ADAM12: variants seen among roughly 807,000 people sequenced by gnomAD.
ADAM12 encodes the protein ADAM metallopeptidase domain 12, also known as disintegrin and metalloproteinase domain-containing protein 12.
Under a neutral mutation model 106.4 loss-of-function variants are expected in ADAM12, and 70 were observed. That is an observed-to-expected ratio of 0.66 (90% confidence interval 0.54 to 0.80). The LOEUF is 0.80. Ranked by LOEUF, ADAM12 falls within the 30% of genes least tolerant of loss-of-function variation. ADAM12 has a pLI of 0.00. For missense variants in ADAM12, 1,010 were observed against 1,171.9 expected (o/e 0.86, Z 2.02); for synonymous variants, 420 against 433.5 (o/e 0.97, Z 0.39).
intron 3 of ADAM12, among the ~76,000 whole-genome samples, chr10:126,241,469 A>G (rs2133653616): frequency 6.6e-6 from 1 of 152,356 alleles, no homozygotes; most frequent in South Asian, 2.1e-4. Flanking sequence ...TGTTTCCTTC[A>G]GTCTCAGAAA....
At chr10:126,097,841 A>T (rs1955584848) in intron 10 of ADAM12, among the ~76,000 whole-genome samples, 1 of 152,206 alleles carries the variant, frequency 6.6e-6, no homozygotes, top group Non-Finnish European at 1.5e-5. Context: ...CCTTTCACAA[A>T]CATATATAGC....
chr10:126,231,522 G>A (rs1958311016), intron 3 of ADAM12, among the ~76,000 whole-genome samples: 1 of 152,116 alleles, frequency 6.6e-6, no homozygotes, highest in African/African-American at 2.4e-5. Context: ...TCCCTCCCAT[G>A]AGTGGTCGTG....
intron 4 of ADAM12, among the ~76,000 whole-genome samples, chr10:126,148,137 G>GA (rs78182673): frequency 0.33 from 49,835 of 152,052 alleles, 8,484 homozygotes; most frequent in Non-Finnish European, 0.38. Flanking sequence ...ACAGTCGAGA[G>GA]AAAAGATGTG....
At position 126,330,468 on chromosome 10, in the gene ADAM12, T is replaced by G; in HGVS notation, c.130A>C (p.Ser44Arg). The change falls in exon 2 of 23, where the codon AGT becomes CGT. Residue 44 changes from serine (S) to arginine (R), a missense_variant. Ser to Arg is a moderately radical substitution (Grantham distance 110). Around this residue, in one of 3 missense-constraint regions of ADAM12, gnomAD observed 391 missense variants for 442.9 expected, o/e 0.88. Coordinates refer to ENST00000448723, the MANE Select transcript of ADAM12 (RefSeq NM_001288973.2). ...WNQGRADEVV[S>R]ASVGSGDLWI... ...AGGTCCCCACTCCCAACAGAGGCAC[T>G]GACAACTTCATCAGCTCTTCCTTGG... The G allele has an allele frequency of 6.2e-7, 1 of 1,613,946 alleles. No individual in the cohort carries two copies. Among genetic ancestry groups the G allele is most frequent in the Non-Finnish European group, 8.5e-7 (1 of 1,179,972 alleles).
At chr10:126,256,920 A>AATAATGATGATGATG (rs879871890) in intron 3 of ADAM12, among the ~76,000 whole-genome samples, 17 of 97,226 alleles carry the variant, frequency 1.7e-4, no homozygotes, top group African/African-American at 5.7e-4. Context: ...TAATAATAAT[A>AATAATGATGATGATG]ATGATGATGA....
rs747876345 is a variant in ADAM12 at position 126,071,547 on chromosome 10, G to A, written c.1253C>T (p.Ser418Phe). The change falls in exon 12 of 23, where the codon TCT (serine) becomes TTT (phenylalanine). Residue 418 changes from serine (S) to phenylalanine (F), a missense_variant. By Grantham distance (155) the Ser-to-Phe change is radical (BLOSUM62 -2). Coordinates refer to ENST00000448723, the MANE Select transcript of ADAM12 (RefSeq NM_001288973.2). ...GTTCCCACACTTCTGGCCCCCGAAAGACTCCCTGACTTCCGGCAGGTTAAA... is the reference window on the plus strand; with the variant it reads ...GTTCCCACACTTCTGGCCCCCGAAAAACTCCCTGACTTCCGGCAGGTTAAA... ...CLFNLPEVRE[S>F]FGGQKCGNRF... 1 of 1,614,146 alleles carries A rather than the reference G, an allele frequency of 6.2e-7. No homozygotes were observed. Among genetic ancestry groups the A allele is most frequent in the South Asian group, 1.1e-5 (1 of 91,058 alleles).
intron 3 of ADAM12, among the ~76,000 whole-genome samples, chr10:126,257,220 GA>G (rs1294813043): frequency 1.3e-5 from 2 of 152,166 alleles, no homozygotes; most frequent in African/African-American, 4.8e-5. Flanking sequence ...ACCCTCCAAA[GA>G]CAGTACCGGG....
chr10:126,219,343 T>G (rs1282682774), intron 3 of ADAM12, among the ~76,000 whole-genome samples: 1 of 152,196 alleles, frequency 6.6e-6, no homozygotes, highest in East Asian at 1.9e-4. Context: ...ACCATTGGTG[T>G]GACAGCCACA....
intron 1 of ADAM12, among the ~76,000 whole-genome samples, chr10:126,370,579 G>T (rs1323833530): frequency 6.6e-6 from 1 of 152,178 alleles, no homozygotes; most frequent in Non-Finnish European, 1.5e-5. Context: ...GTCCTTGCAG[G>T]TCAGAGCCCA....
chr10:126,158,607 G>C (rs542359362), intron 3 of ADAM12, among the ~76,000 whole-genome samples: 1 of 97,848 alleles, frequency 1.0e-5, no homozygotes, highest in African/African-American at 3.5e-5. Context: ...GAGCAGAGGC[G>C]GGGAGGATGC....
intron 1 of ADAM12, among the ~76,000 whole-genome samples, chr10:126,360,236 A>T (rs1855694860): frequency 6.6e-6 from 1 of 152,104 alleles, no homozygotes; most frequent in African/African-American, 2.4e-5. Flanking sequence ...CCCTGGAGAC[A>T]TTTTCCCCAT....
chr10:126,173,008 C>T (rs557377926), intron 3 of ADAM12, among the ~76,000 whole-genome samples: 10 of 152,232 alleles, frequency 6.6e-5, no homozygotes, highest in African/African-American at 2.2e-4. Flanking sequence ...AACACAAGAA[C>T]AGAAAACCCA....
intron 3 of ADAM12, among the ~76,000 whole-genome samples, chr10:126,267,498 A>G (rs1245339040): frequency 6.6e-6 from 1 of 152,226 alleles, no homozygotes; most frequent in East Asian, 1.9e-4. Flanking sequence ...AGACAGCGAC[A>G]GATCATCAGG....
chr10:126,385,039 A>G (rs1231018027), intron 1 of ADAM12, among the ~76,000 whole-genome samples: 1 of 152,250 alleles, frequency 6.6e-6, no homozygotes, highest in Non-Finnish European at 1.5e-5. Flanking sequence ...GTAAGCTCAC[A>G]GAACCACAGA....
At chr10:126,028,797 T>G in intron 21 of ADAM12, among the ~76,000 whole-genome samples, 1 of 152,042 alleles carries the variant, frequency 6.6e-6, no homozygotes, top group African/African-American at 2.4e-5. Flanking sequence ...GGGATCTAAT[T>G]AAAGAGTGTC....
At chr10:126,171,986 T>A (rs1055503716) in intron 3 of ADAM12, among the ~76,000 whole-genome samples, 16 of 152,214 alleles carry the variant, frequency 1.1e-4, no homozygotes, top group Admixed American at 2.0e-4. Flanking sequence ...GGGAAAAAAA[T>A]AGCTAATACG....
At chr10:126,247,981 T>C (rs1168838192) in intron 3 of ADAM12, among the ~76,000 whole-genome samples, 1 of 152,228 alleles carries the variant, frequency 6.6e-6, no homozygotes, top group South Asian at 2.1e-4. Context: ...ATGGTGTCTG[T>C]GGGCCGTGAA....
At chr10:126,269,833 G>A (rs575215879) in intron 3 of ADAM12, among the ~76,000 whole-genome samples, 20 of 152,282 alleles carry the variant, frequency 1.3e-4, no homozygotes, top group Admixed American at 2.6e-4. Flanking sequence ...TTCACTCAAG[G>A]ACGCCACACT....
At chr10:126,280,294 G>C (rs1345561533) in intron 2 of ADAM12, among the ~76,000 whole-genome samples, 2 of 152,108 alleles carry the variant, frequency 1.3e-5, no homozygotes, top group Admixed American at 6.5e-5. Flanking sequence ...AGTCACAAAG[G>C]CTGAAACATT....
Sources: gnomAD v4.1 joint callset for allele counts (sites outside exome capture counted in the v4.1 genomes callset) on GRCh38, gnomAD v4.1.1 for gene constraint, gnomAD v4.1.1 regional missense constraint, MANE v1.5 for transcripts, NCBI Gene and HGNC (gene_info 2026-07-23, HGNC 2026-07-21) for gene names.